The following PCDHA1 variants were observed in gnomAD, a reference collection of about 807,000 sequenced individuals.
PCDHA1 encodes protocadherin alpha-1.
A neutral mutation model predicts 61.3 loss-of-function variants in PCDHA1; 42 were observed. That is an observed-to-expected ratio of 0.69 (90% CI 0.54 to 0.89). PCDHA1 has a LOEUF of 0.89. Ranked by LOEUF, PCDHA1 falls within the 40% of genes least tolerant of loss-of-function variation. The probability of loss-of-function intolerance (pLI) is 0.00; values close to 1 mark genes in which losing one functional copy is unlikely to be tolerated. For missense variants in PCDHA1, 1,256 were observed against 1,235.3 expected (o/e 1.02, Z -0.25); for synonymous variants, 610 against 553.8 (o/e 1.10, Z -1.43).
chr5:140,920,485 A>G (rs1366888817), intron 1 of PCDHA1, among the ~76,000 whole-genome samples: 3 of 152,164 alleles, frequency 2.0e-5, no homozygotes, highest in Admixed American at 6.5e-5. Context: ...TTTTTGGTCC[A>G]ACAATAGAGT....
chr5:140,836,927 T>A, intron 1 of PCDHA1: 1 of 510,864 alleles, frequency 2.0e-6, no homozygotes, highest in Non-Finnish European at 3.3e-6. Context: ...TTGGGATGCG[T>A]AATACTATAG....
At chr5:140,930,785 A>G (rs1485024316) in intron 1 of PCDHA1, among the ~76,000 whole-genome samples, 1 of 152,248 alleles carries the variant, frequency 6.6e-6, no homozygotes, top group Admixed American at 6.5e-5. Context: ...TTTTCACAAT[A>G]TAATAGAATC....
chr5:140,822,906 C>T, intron 1 of PCDHA1: 2 of 1,614,250 alleles, frequency 1.2e-6, no homozygotes, highest in South Asian at 1.1e-5. Context: ...CTGACCGTGA[C>T]TCAGGTGCCA....
At chr5:140,904,187 C>T (rs1554191348) in intron 1 of PCDHA1, among the ~76,000 whole-genome samples, 1 of 151,982 alleles carries the variant, frequency 6.6e-6, no homozygotes, top group Non-Finnish European at 1.5e-5. Context: ...ACCCCCTTCC[C>T]ACCCTTTCCC....
intron 3 of PCDHA1, among the ~76,000 whole-genome samples, chr5:141,002,380 G>T (rs1284047266): frequency 2.0e-5 from 3 of 152,196 alleles, no homozygotes; most frequent in Non-Finnish European, 2.9e-5. Context: ...CTGGCTTAGG[G>T]CTCCTGCTGG....
At chr5:140,796,235 T>A (rs1762052080) in intron 1 of PCDHA1, 1 of 1,614,046 alleles carries the variant, frequency 6.2e-7, no homozygotes, top group African/African-American at 1.3e-5. Context: ...TATGAGCTGG[T>A]GGTGACCGCA....
At chr5:140,897,485 A>G (rs1189975695) in intron 1 of PCDHA1, among the ~76,000 whole-genome samples, 2 of 151,884 alleles carry the variant, frequency 1.3e-5, no homozygotes, top group African/African-American at 4.8e-5. Flanking sequence ...GATGATTTCC[A>G]ATTTCAACCA....
chr5:140,856,253 A>T lies in PCDHA1; in HGVS notation c.2394+67569A>T, dbSNP rs545226629. On this transcript the variant is annotated intron_variant, in intron 1 of 3. Coordinates refer to ENST00000504120, the MANE Select transcript of PCDHA1 (RefSeq NM_018900.4). ...GCGCCTGTTCCGGGTGGCGTCCAAA[A>T]GACACGGGGACCTTCTGGAGGTAAA... The T allele has an allele frequency of 1.3e-6, 2 of 1,598,032 alleles. 1 individual carries two copies. The highest frequency in any genetic ancestry group is 2.7e-5 in the African/African-American group (2 of 74,378).
At chr5:140,825,516 C>T (rs1278586078) in intron 1 of PCDHA1, 1 of 151,016 alleles carries the variant, frequency 6.6e-6, no homozygotes, top group Non-Finnish European at 1.5e-5. Flanking sequence ...TCTTGGCCTC[C>T]CAGGTTCAAG....
At chr5:140,801,511 A>T in intron 1 of PCDHA1, 5 of 1,614,184 alleles carry the variant, frequency 3.1e-6, no homozygotes, top group Non-Finnish European at 4.2e-6. Context: ...TGCAGCATCC[A>T]CCTGGAGGTG....
At chr5:140,817,553 G>A (rs1766158365) in intron 1 of PCDHA1, 2 of 152,034 alleles carry the variant, frequency 1.3e-5, no homozygotes, top group African/African-American at 4.8e-5. Context: ...ACACATCCTT[G>A]ACTTATTACC....
At chr5:140,836,501 G>C (rs1554136017) in intron 1 of PCDHA1, 6 of 1,613,866 alleles carry the variant, frequency 3.7e-6, no homozygotes, top group Non-Finnish European at 5.1e-6. Context: ...CCATCTGCGC[G>C]GTGTCCAGTC....
intron 1 of PCDHA1, chr5:140,834,770 C>A (rs2150226024): frequency 6.8e-6 from 11 of 1,613,922 alleles, no homozygotes; most frequent in Middle Eastern, 3.3e-4. Context: ...TTAACGACAA[C>A]CCTCCGGTGT....
intron 1 of PCDHA1, among the ~76,000 whole-genome samples, chr5:140,904,904 C>G (rs1463349424): frequency 6.6e-6 from 1 of 151,948 alleles, no homozygotes; most frequent in Non-Finnish European, 1.5e-5. Context: ...GTTTTTCTTA[C>G]TGATTTGTTT....
chr5:140,926,997 C>G (rs782110120), intron 1 of PCDHA1: 4 of 1,612,104 alleles, frequency 2.5e-6, no homozygotes, highest in African/African-American at 2.7e-5. Flanking sequence ...GGGGCGTAGC[C>G]GTAGGCAATC....
chr5:140,941,701 C>T (rs1312324595), intron 1 of PCDHA1, among the ~76,000 whole-genome samples: 3 of 152,142 alleles, frequency 2.0e-5, no homozygotes, highest in Non-Finnish European at 4.4e-5. Context: ...TTGGGCTTAG[C>T]TTTCCTCCAC....
intron 1 of PCDHA1, chr5:140,804,257 A>G (rs1763365234): frequency 6.6e-6 from 1 of 152,208 alleles, no homozygotes; most frequent in African/African-American, 2.4e-5. Flanking sequence ...ATCGAGAATA[A>G]CAATTGCATT....
At chr5:141,005,184 A>G (rs964423938) in intron 3 of PCDHA1, among the ~76,000 whole-genome samples, 27 of 152,196 alleles carry the variant, frequency 1.8e-4, no homozygotes, top group Non-Finnish European at 3.7e-4. Flanking sequence ...CACTTCTCAC[A>G]TCAGTCCTTT....
intron 1 of PCDHA1, among the ~76,000 whole-genome samples, chr5:140,893,419 G>A (rs2063984571): frequency 6.6e-6 from 1 of 152,158 alleles, no homozygotes; most frequent in African/African-American, 2.4e-5. Context: ...TAGGGAGGCA[G>A]AGGCAGGAAG....
Sources: gnomAD v4.1 joint callset for allele counts (sites outside exome capture counted in the v4.1 genomes callset) on GRCh38, gnomAD v4.1.1 for gene constraint, MANE v1.5 for transcripts, NCBI Gene and HGNC (gene_info 2026-07-23, HGNC 2026-07-21) for gene names.